Variants in GPR158 observed in about 807,000 individuals in gnomAD.
The protein encoded by GPR158 is G protein-coupled receptor 158, also known as metabotropic glycine receptor.
In GPR158, 30 loss-of-function variants were observed where a neutral mutation model predicts 78.2. The observed-to-expected ratio is 0.38, with a 90% CI of 0.29 to 0.52. The LOEUF is 0.52. Ranked by LOEUF, GPR158 falls within the 20% of genes least tolerant of loss-of-function variation. The pLI is 0.83. For missense variants in GPR158, 1,463 were observed against 1,523.5 expected (o/e 0.96, Z 0.66); for synonymous variants, 581 against 591.1 (o/e 0.98, Z 0.25).
At chr10:25,583,876 T>G (rs1564497530) in intron 7 of GPR158, among the ~76,000 whole-genome samples, 1 of 152,218 alleles carries the variant, frequency 6.6e-6, no homozygotes, top group Admixed American at 6.5e-5. Context: ...GTACCACAGC[T>G]TGAGTGGCAT....
intron 2 of GPR158, among the ~76,000 whole-genome samples, chr10:25,228,713 A>G (rs1853406951): frequency 6.6e-6 from 1 of 152,052 alleles, no homozygotes; most frequent in Non-Finnish European, 1.5e-5. Flanking sequence ...GAGAAGTGAA[A>G]TTTATTACTG....
At chr10:25,209,887 C>T (rs1853104189) in intron 1 of GPR158, among the ~76,000 whole-genome samples, 1 of 152,128 alleles carries the variant, frequency 6.6e-6, no homozygotes, top group African/African-American at 2.4e-5. Context: ...TCGTTAAAGC[C>T]CTGGGAGAAC....
chr10:25,185,871 G>A (rs1231705420), intron 1 of GPR158, among the ~76,000 whole-genome samples: 3 of 151,820 alleles, frequency 2.0e-5, no homozygotes, highest in African/African-American at 2.4e-5. Flanking sequence ...TGCACCAAGC[G>A]GACTTAATAG....
intron 1 of GPR158, among the ~76,000 whole-genome samples, chr10:25,193,774 C>T (rs1852807036): frequency 6.6e-6 from 1 of 151,744 alleles, no homozygotes; most frequent in African/African-American, 2.4e-5. Context: ...GCTCTGGAAG[C>T]TTGGGTTTTC....
intron 2 of GPR158, among the ~76,000 whole-genome samples, chr10:25,337,739 A>T (rs568217288): frequency 5.5e-4 from 83 of 151,982 alleles, no homozygotes; most frequent in South Asian, 1.5e-3. Context: ...ATTGTATTTG[A>T]TATAAACTTC....
chr10:25,374,857 T>C (rs1047622607), intron 2 of GPR158, among the ~76,000 whole-genome samples: 5 of 151,768 alleles, frequency 3.3e-5, no homozygotes, highest in Admixed American at 3.3e-4. Flanking sequence ...CAAACACTTA[T>C]GTACAGGTTT....
intron 5 of GPR158, among the ~76,000 whole-genome samples, chr10:25,510,015 A>G (rs752321927): frequency 3.8e-4 from 58 of 152,152 alleles, no homozygotes; most frequent in Non-Finnish European, 6.8e-4. Context: ...TGCCCAGCCT[A>G]TATTGCCTTT....
intron 2 of GPR158, among the ~76,000 whole-genome samples, chr10:25,222,613 A>G (rs1175823541): frequency 6.6e-6 from 1 of 152,156 alleles, no homozygotes; most frequent in Non-Finnish European, 1.5e-5. Flanking sequence ...GGCATTTCTA[A>G]GATGTGAATT....
chr10:25,452,203 AC>A (rs1469206834), intron 4 of GPR158, among the ~76,000 whole-genome samples: 1 of 122,268 alleles, frequency 8.2e-6, no homozygotes. Context: ...ATGCCCAGAA[AC>A]CTTTTAAATA....
intron 2 of GPR158, among the ~76,000 whole-genome samples, chr10:25,298,930 G>A (rs1051773683): frequency 2.0e-5 from 3 of 151,944 alleles, no homozygotes; most frequent in Non-Finnish European, 4.4e-5. Context: ...TTTAAGTTTC[G>A]TTCTTGTACT....
intron 2 of GPR158, among the ~76,000 whole-genome samples, chr10:25,338,517 ATACG>A: frequency 1.8e-5 from 2 of 112,430 alleles, no homozygotes; most frequent in Admixed American, 1.9e-4. Flanking sequence ...TACGTATAAT[ATACG>A]TATATTACGT....
At chr10:25,458,316 T>C (rs939374947) in intron 4 of GPR158, among the ~76,000 whole-genome samples, 3 of 152,216 alleles carry the variant, frequency 2.0e-5, no homozygotes, top group Non-Finnish European at 2.9e-5. Context: ...ATAATACCTG[T>C]ACCAAACCCT....
intron 2 of GPR158, among the ~76,000 whole-genome samples, chr10:25,300,120 C>G (rs140552608): frequency 1.3e-5 from 2 of 152,306 alleles, no homozygotes; most frequent in Non-Finnish European, 2.9e-5. Context: ...TAAAACAATG[C>G]AAATGTATAT....
At chr10:25,512,023 T>C (rs1161083235) in intron 5 of GPR158, among the ~76,000 whole-genome samples, 1 of 152,162 alleles carries the variant, frequency 6.6e-6, no homozygotes, top group African/African-American at 2.4e-5. Context: ...CGGGCTCTTT[T>C]TTTGGTTCCA....
intron 2 of GPR158, among the ~76,000 whole-genome samples, chr10:25,374,777 A>G (rs1040201448): frequency 5.9e-5 from 9 of 151,734 alleles, no homozygotes; most frequent in Non-Finnish European, 4.4e-5. Context: ...TGGATGTACT[A>G]TGTTGGTTTA....
intron 2 of GPR158, among the ~76,000 whole-genome samples, chr10:25,265,091 G>A (rs1319848307): frequency 6.6e-6 from 1 of 152,078 alleles, no homozygotes; most frequent in Non-Finnish European, 1.5e-5. Context: ...CTAGTGAGAA[G>A]AACAAAATGG....
At chr10:25,531,555 T>C (rs1483412548) in intron 5 of GPR158, among the ~76,000 whole-genome samples, 5 of 152,200 alleles carry the variant, frequency 3.3e-5, no homozygotes, top group Admixed American at 3.3e-4. Context: ...GAAAGTGTCC[T>C]CTCGAAAGAG....
chr10:25,348,923 C>T (rs1243266211), intron 2 of GPR158, among the ~76,000 whole-genome samples: 2 of 152,004 alleles, frequency 1.3e-5, no homozygotes, highest in African/African-American at 4.8e-5. Flanking sequence ...AAAAGCAAAC[C>T]ACCTGAACTC....
chr10:25,517,137 T>G lies in GPR158; in HGVS notation c.1405-33839T>G, dbSNP rs1377006770. 7.4e-3 allele frequency among the ~76,000 whole-genome samples: 1,090 copies of G among 146,848 alleles called. 25 individuals carry two copies. The highest frequency in any genetic ancestry group is 0.027 in the African/African-American group (1,024 of 38,460). On this transcript the variant is annotated intron_variant, in intron 5 of 10. Transcript: ENST00000376351. ...TATTTTATTCTCTTTGAAGCAATTG[T>G]GAATGGGAGTTCACTCATGATTTGG...
Sources: gnomAD v4.1 joint callset for allele counts (sites outside exome capture counted in the v4.1 genomes callset) on GRCh38, gnomAD v4.1.1 for gene constraint, MANE v1.5 for transcripts, NCBI Gene and HGNC (gene_info 2026-07-23, HGNC 2026-07-21) for gene names.